The following INPP5A variants were observed in gnomAD, a reference collection of about 807,000 sequenced individuals.
INPP5A encodes inositol polyphosphate-5-phosphatase A.
A neutral mutation model predicts 65.2 loss-of-function variants in INPP5A; 14 were observed. The observed-to-expected ratio is 0.21, with a 90% CI of 0.14 to 0.34. The LOEUF (loss-of-function observed/expected upper bound fraction) is 0.34, where lower values mean the gene tolerates loss of function less well. Ranked by LOEUF, INPP5A falls within the 10% of genes least tolerant of loss-of-function variation. The pLI, the probability that INPP5A is intolerant of heterozygous loss-of-function variation, is 1.00. For missense variants in INPP5A, 431 were observed against 545.6 expected (o/e 0.79, Z 2.09); for synonymous variants, 207 against 208.3 (o/e 0.99, Z 0.05).
chr10:132,537,999 G>C lies in INPP5A; in HGVS notation c.-98G>C. 2.2e-6 allele frequency: 1 copy of C among 463,958 alleles called. No homozygotes were observed. The highest frequency in any genetic ancestry group is 2.8e-6 in the Non-Finnish European group (1 of 355,776). 28.7% of individuals were successfully genotyped at this position (463,958 alleles called of 1,614,324 possible). ...CCCGGGGCCGCCCCCCGGCGCAGCTGACGCCCCGCGGCCCCGCGAAGACCC... is the reference window on the plus strand; with the variant it reads ...CCCGGGGCCGCCCCCCGGCGCAGCTCACGCCCCGCGGCCCCGCGAAGACCC... On this transcript the variant is annotated 5_prime_UTR_variant, in exon 1 of 16. The change abolishes the stop of an existing upstream ORF in the 5' untranslated region. Coordinates refer to ENST00000368594, the MANE Select transcript of INPP5A (RefSeq NM_005539.5).
chr10:132,569,356 G>A (rs2071309759), intron 1 of INPP5A, among the ~76,000 whole-genome samples: 1 of 150,980 alleles, frequency 6.6e-6, no homozygotes, highest in Non-Finnish European at 1.5e-5. Flanking sequence ...TTGTTAGTTT[G>A]TTTTTGGTTT....
rs1189824013 is a variant in INPP5A, at chr10:132,546,743, T to A, written c.75+8572T>A. On this transcript the variant is annotated intron_variant, in intron 1 of 15. Transcript: ENST00000368594. This position sits in a 1 kb window ranked among gnomAD's most constrained non-coding sequence, Gnocchi z 5.7. ...GGTGCACTGCATACCCCGGGCCCCCTGGGCTCTGGCCTGTCCCCTTGTCCC... is the reference window on the plus strand; with the variant it reads ...GGTGCACTGCATACCCCGGGCCCCCAGGGCTCTGGCCTGTCCCCTTGTCCC... Among the ~76,000 whole-genome samples the A allele has an allele frequency of 1.3e-5, 2 of 152,120 alleles. No homozygotes were observed. Among genetic ancestry groups the A allele is most frequent in the South Asian group, 4.1e-4 (2 of 4,826 alleles).
chr10:132,760,016 G>A (rs1410604264), intron 11 of INPP5A, among the ~76,000 whole-genome samples: 6 of 152,332 alleles, frequency 3.9e-5, no homozygotes, highest in South Asian at 2.1e-4. Context: ...GGACCCTGGC[G>A]GCCAGAGGCA....
intron 4 of INPP5A, among the ~76,000 whole-genome samples, chr10:132,679,799 G>A (rs111409862): frequency 0.015 from 2,210 of 152,282 alleles, 68 homozygotes; most frequent in African/African-American, 0.05. Flanking sequence ...GGAGCAGAGG[G>A]GACAGCCAGG....
intron 2 of INPP5A, among the ~76,000 whole-genome samples, chr10:132,629,718 GT>G (rs960710075): frequency 6.6e-6 from 1 of 152,226 alleles, no homozygotes; most frequent in African/African-American, 2.4e-5. Context: ...TGAGGGGTGG[GT>G]ATCCACAAGG....
chr10:132,751,486 C>T (rs1363449175), intron 11 of INPP5A, among the ~76,000 whole-genome samples: 2 of 152,266 alleles, frequency 1.3e-5, no homozygotes, highest in Non-Finnish European at 2.9e-5. Context: ...CGCTGCCCCT[C>T]TCTGGCTCTG....
Position 132,727,758 on chromosome 10 carries a change from T to G in INPP5A, c.732+853T>G, listed in dbSNP as rs1249796335. Among the ~76,000 whole-genome samples the G allele has an allele frequency of 6.6e-6, 1 of 151,496 alleles. No homozygotes were observed. The highest frequency in any genetic ancestry group is 1.5e-5 in the Non-Finnish European group (1 of 67,870). On this transcript the variant is annotated intron_variant, in intron 9 of 15. Transcript: ENST00000368594. The surrounding 1 kb of genome is among the most constrained non-coding windows in gnomAD (Gnocchi z 6.5). ...CTGACAGCCCACAGCGGGGCCACAG[T>G]AAGTTGGATGGGGCCACGGTGAGTC...
rs1032600451 is a variant in INPP5A at position 132,575,739 on chromosome 10, G to A, written c.76-32176G>A. Among the ~76,000 whole-genome samples the A allele has an allele frequency of 6.6e-6, 1 of 152,142 alleles. No homozygotes were observed. Among genetic ancestry groups the A allele is most frequent in the African/African-American group, 2.4e-5 (1 of 41,428 alleles). On this transcript the variant is annotated intron_variant, in intron 1 of 15. Coordinates refer to ENST00000368594, the MANE Select transcript of INPP5A (RefSeq NM_005539.5). This position sits in a 1 kb window ranked among gnomAD's most constrained non-coding sequence, Gnocchi z 5.4. ...CAGGACAGCCTTTCCCCGGTTCCCTGTGTCCCTCTGGCCGTGGGCTCCCGC... is the reference window on the plus strand; with the variant it reads ...CAGGACAGCCTTTCCCCGGTTCCCTATGTCCCTCTGGCCGTGGGCTCCCGC...
intron 11 of INPP5A, among the ~76,000 whole-genome samples, chr10:132,750,208 T>C (rs1258204802): frequency 6.6e-6 from 1 of 152,244 alleles, no homozygotes; most frequent in Non-Finnish European, 1.5e-5. Flanking sequence ...AGTGGGAGAC[T>C]GAAGGGAGCA....
At chr10:132,567,130 G>A (rs995479881) in intron 1 of INPP5A, among the ~76,000 whole-genome samples, 1 of 152,164 alleles carries the variant, frequency 6.6e-6, no homozygotes, top group African/African-American at 2.4e-5. Flanking sequence ...GCTCAGTGAT[G>A]TCACCAGGAA....
intron 4 of INPP5A, among the ~76,000 whole-genome samples, chr10:132,685,451 T>C (rs1004976938): frequency 1.3e-5 from 2 of 152,272 alleles, no homozygotes; most frequent in African/African-American, 4.8e-5. Flanking sequence ...GTGCGTCCCT[T>C]AGCGCGGGGT....
intron 1 of INPP5A, among the ~76,000 whole-genome samples, chr10:132,586,824 GGCGGCGC>G (rs2071550790): frequency 2.0e-5 from 3 of 152,208 alleles, no homozygotes; most frequent in Admixed American, 6.5e-5. Context: ...CATGTCAGGA[GGCGGCGC>G]AGCGCGGCGA....
At chr10:132,694,967 C>T (rs1484774110) in intron 5 of INPP5A, among the ~76,000 whole-genome samples, 5 of 152,158 alleles carry the variant, frequency 3.3e-5, no homozygotes, top group Admixed American at 1.3e-4. Flanking sequence ...TTAAGGAAGA[C>T]GTTATACCAG....
At chr10:132,624,239 C>T (rs1236908643) in intron 2 of INPP5A, among the ~76,000 whole-genome samples, 1 of 152,236 alleles carries the variant, frequency 6.6e-6, no homozygotes, top group Non-Finnish European at 1.5e-5. Flanking sequence ...TGATCCCCGC[C>T]TCTGCTGCGT....
Position 132,749,513 on chromosome 10 carries a change from G to A in INPP5A, c.733-4G>A, listed in dbSNP as rs771097098. 5.0e-6 allele frequency: 8 copies of A among 1,612,728 alleles called. No individual in the cohort carries two copies. The highest frequency in any genetic ancestry group is 6.8e-6 in the Non-Finnish European group (8 of 1,179,858). Reference sequence around the variant, plus strand: ...GACTTATCTCCGTTGCTGTCTTTCTGCAGACGCTCTGCACAAAAGCCACCA... The same window carrying A: ...GACTTATCTCCGTTGCTGTCTTTCTACAGACGCTCTGCACAAAAGCCACCA... On this transcript the variant is annotated splice_region_variant and splice_polypyrimidine_tract_variant and intron_variant, in intron 9 of 15. Transcript: ENST00000368594.
chr10:132,599,801 T>C (rs932979138), intron 1 of INPP5A, among the ~76,000 whole-genome samples: 1 of 152,220 alleles, frequency 6.6e-6, no homozygotes, highest in Non-Finnish European at 1.5e-5. Context: ...GTTCTTGTCT[T>C]CTGTGCACCT....
At chr10:132,728,664 C>T (rs760255179) in intron 9 of INPP5A, among the ~76,000 whole-genome samples, 20 of 152,360 alleles carry the variant, frequency 1.3e-4, no homozygotes, top group South Asian at 2.1e-4. Flanking sequence ...AAGAAGAACC[C>T]GCGAAAGACC....
chr10:132,650,652 G>C lies in INPP5A; in HGVS notation c.306+147G>C, dbSNP rs2072563128. The C allele has an allele frequency of 1.6e-6, 1 of 644,028 alleles. No homozygotes were observed. Among genetic ancestry groups the C allele is most frequent in the African/African-American group, 1.8e-5 (1 of 55,384 alleles). 39.9% of individuals were successfully genotyped at this position (644,028 alleles called of 1,614,324 possible). ...GCCCTGCCTGGCACTCCCGCAGCCT[G>C]CTTGGTGGTCTGCTCGTGGTCTGAG... On this transcript the variant is annotated intron_variant, in intron 4 of 15. Coordinates refer to ENST00000368594, the MANE Select transcript of INPP5A (RefSeq NM_005539.5). The surrounding 1 kb of genome is among the most constrained non-coding windows in gnomAD (Gnocchi z 5.5).
At position 132,595,699 on chromosome 10, in the gene INPP5A, C is replaced by A. The variant is rs540527329; in HGVS notation, c.76-12216C>A. On this transcript the variant is annotated intron_variant, in intron 1 of 15. Transcript: ENST00000368594. Reference sequence around the variant, plus strand: ...TGTTTTTGATTCCTCCCTCTTCTTTCCTTCCGTGGACGCCCTGTGTAACTT... The same window carrying A: ...TGTTTTTGATTCCTCCCTCTTCTTTACTTCCGTGGACGCCCTGTGTAACTT... Among the ~76,000 whole-genome samples, 21 of 152,318 alleles carry A rather than the reference C, an allele frequency of 1.4e-4. No homozygotes were observed. The South Asian group carries it at 4.3e-3, about 32-fold the overall frequency.
Sources: allele counts gnomAD v4.1 joint callset (sites outside exome capture counted in the v4.1 genomes callset), GRCh38; gene constraint gnomAD v4.1.1; non-coding constraint Gnocchi (gnomAD v3.1); transcripts MANE v1.5; gene names NCBI Gene and HGNC (gene_info 2026-07-23, HGNC 2026-07-21).